The following VEPH1 variants were observed in gnomAD, a reference collection of about 807,000 sequenced individuals.
VEPH1 encodes the protein ventricular zone-expressed PH domain-containing protein homolog 1.
Under a neutral mutation model 85.2 loss-of-function variants are expected in VEPH1, and 80 were observed. That is an observed-to-expected ratio of 0.94 (90% CI 0.78 to 1.13). The LOEUF is 1.13. VEPH1 is among the 50% of genes most tolerant of loss of function. The pLI is 0.00. For missense variants in VEPH1, 955 were observed against 980.5 expected, an observed-to-expected ratio of 0.97 and a Z score of 0.35; for synonymous variants, 297 against 348.0, an observed-to-expected ratio of 0.85 and a Z score of 1.63.
intron 7 of VEPH1, among the ~76,000 whole-genome samples, chr3:157,378,321 TATATATA>T (rs1728373923): frequency 5.8e-5 from 1 of 17,242 alleles, no homozygotes; most frequent in Admixed American, 8.8e-4. Flanking sequence ...TATATATATA[TATATATA>T]TATATATATA....
At chr3:157,437,337 A>G (rs1733678454) in intron 4 of VEPH1, among the ~76,000 whole-genome samples, 1 of 152,198 alleles carries the variant, frequency 6.6e-6, no homozygotes, top group Non-Finnish European at 1.5e-5. Flanking sequence ...ACCTGAATGA[A>G]TGATTTCTGT....
chr3:157,476,563 G>T (rs1172891480), intron 2 of VEPH1, among the ~76,000 whole-genome samples: 1 of 152,160 alleles, frequency 6.6e-6, no homozygotes, highest in Non-Finnish European at 1.5e-5. Context: ...ATGAATCAAT[G>T]GAGCAGGCTT....
Position 157,274,229 on chromosome 3 carries a change from C to A in VEPH1, c.2129-8567G>T, listed in dbSNP as rs1203815148. Among the ~76,000 whole-genome samples, 3 of 152,142 alleles carry A rather than the reference C, an allele frequency of 2.0e-5. No homozygotes were observed. The East Asian group carries it at 5.8e-4, about 29-fold the overall frequency. ...GCCTTGCTTAGCTGAGACCTGGTCA[C>A]AATAAAGGATCAATAAATAGTAGCT... On this transcript the variant is annotated intron_variant, in intron 12 of 13. Transcript: ENST00000362010.
chr3:157,375,412 G>A (rs1317486699), intron 7 of VEPH1, among the ~76,000 whole-genome samples: 1 of 152,226 alleles, frequency 6.6e-6, no homozygotes, highest in Non-Finnish European at 1.5e-5. Context: ...CTCCCAGGAT[G>A]TCAAGATGGG....
intron 7 of VEPH1, among the ~76,000 whole-genome samples, chr3:157,369,199 A>AAAAC (rs1553773140): frequency 1.3e-5 from 2 of 148,282 alleles, no homozygotes; most frequent in African/African-American, 2.5e-5. Context: ...AAAAAAAAAA[A>AAAAC]AAAAACCTCC....
intron 11 of VEPH1, among the ~76,000 whole-genome samples, chr3:157,290,584 C>A (rs1310535118): frequency 6.6e-6 from 1 of 152,132 alleles, no homozygotes; most frequent in Non-Finnish European, 1.5e-5. Context: ...CTCCCAAGTA[C>A]ACTCCAAATC....
At chr3:157,311,251 C>A (rs1254371401) in intron 11 of VEPH1, among the ~76,000 whole-genome samples, 2 of 152,148 alleles carry the variant, frequency 1.3e-5, no homozygotes, top group Non-Finnish European at 2.9e-5. Context: ...TTCATATTGT[C>A]CAGAATGTTA....
intron 11 of VEPH1, among the ~76,000 whole-genome samples, chr3:157,311,361 C>A (rs1197859488): frequency 6.6e-6 from 1 of 152,210 alleles, no homozygotes; most frequent in Non-Finnish European, 1.5e-5. Flanking sequence ...ACATGGCCAT[C>A]TCTTTCAAAT....
chr3:157,424,554 T>C (rs1577622268), intron 5 of VEPH1, among the ~76,000 whole-genome samples: 1 of 152,170 alleles, frequency 6.6e-6, no homozygotes, highest in South Asian at 2.1e-4. Context: ...AAAACCCTGA[T>C]AGGGATATAG....
intron 4 of VEPH1, among the ~76,000 whole-genome samples, chr3:157,429,247 G>A (rs1182518737): frequency 6.6e-6 from 1 of 152,014 alleles, no homozygotes; most frequent in Non-Finnish European, 1.5e-5. Context: ...AAATGTCTCA[G>A]GGGAATTGGT....
At chr3:157,398,636 GA>G (rs35264447) in intron 6 of VEPH1, among the ~76,000 whole-genome samples, 84,655 of 144,358 alleles carry the variant, frequency 0.59, 24,219 homozygotes, top group Admixed American at 0.65. Flanking sequence ...CTGTCTCAAA[GA>G]AAAAAAAAAA....
chr3:157,359,544 G>C (rs1027605943), intron 9 of VEPH1, among the ~76,000 whole-genome samples: 1 of 152,182 alleles, frequency 6.6e-6, no homozygotes, highest in Non-Finnish European at 1.5e-5. Flanking sequence ...CCTGGGGTTT[G>C]ACATTTTTTT....
At chr3:157,422,887 ACTGACTTCTCCCACC>A (rs1174138837) in intron 5 of VEPH1, among the ~76,000 whole-genome samples, 28 of 152,256 alleles carry the variant, frequency 1.8e-4, no homozygotes, top group African/African-American at 6.5e-4. Context: ...ACAATAAATG[ACTGACTTCTCCCACC>A]CTGCCTCAAT....
chr3:157,299,559 C>CAAAAA (rs10535235), intron 11 of VEPH1, among the ~76,000 whole-genome samples: 6 of 103,078 alleles, frequency 5.8e-5, no homozygotes, highest in African/African-American at 2.3e-4. Flanking sequence ...GGCCCTGTCT[C>CAAAAA]AAAAAAAAAA....
In VEPH1 at chr3:157,366,779, C is replaced by A. The variant is rs60572135; in HGVS notation, c.1128-2267G>T. Among the ~76,000 whole-genome samples the A allele has an allele frequency of 1.6e-3, 246 of 152,110 alleles. 1 individual carries two copies. The highest frequency in any genetic ancestry group is 4.3e-3 in the African/African-American group (178 of 41,506). The stretch of plus-strand genomic sequence containing the variant: ...CAACAAAAACAAACAACAACAACAA[C>A]AAAAAACACTACTTTTTAGGAAAAA... On this transcript the variant is annotated intron_variant, in intron 7 of 13. Transcript: ENST00000362010.
chr3:157,456,864 T>A (rs1735428366), intron 4 of VEPH1, among the ~76,000 whole-genome samples: 1 of 152,214 alleles, frequency 6.6e-6, no homozygotes, highest in African/African-American at 2.4e-5. Context: ...CAGGCTCTTT[T>A]TTGGTTCCAT....
At chr3:157,442,237 G>T (rs369924164) in intron 4 of VEPH1, 11 of 861,442 alleles carry the variant, frequency 1.3e-5, no homozygotes, top group Admixed American at 3.0e-5. Context: ...TTCTTAAGTC[G>T]TAATGTAGGG....
intron 5 of VEPH1, among the ~76,000 whole-genome samples, chr3:157,416,449 T>C (rs1019732697): frequency 6.6e-6 from 1 of 152,192 alleles, no homozygotes; most frequent in Non-Finnish European, 1.5e-5. Context: ...CAATTGTATG[T>C]CCTTCAGGAG....
At chr3:157,312,533 A>G (rs1720218793) in intron 11 of VEPH1, among the ~76,000 whole-genome samples, 1 of 152,152 alleles carries the variant, frequency 6.6e-6, no homozygotes, top group Non-Finnish European at 1.5e-5. Flanking sequence ...GAAATATGTA[A>G]ACCAGAATGC....
Sources: allele counts gnomAD v4.1 joint callset (sites outside exome capture counted in the v4.1 genomes callset), GRCh38; gene constraint gnomAD v4.1.1; transcripts MANE v1.5; gene names NCBI Gene and HGNC (gene_info 2026-07-23, HGNC 2026-07-21).